The following FAT3 variants were observed in gnomAD, a reference collection of about 807,000 sequenced individuals.
FAT3 encodes the protein protocadherin Fat 3.
In FAT3, 95 loss-of-function variants were observed where a neutral mutation model predicts 310.2. The ratio of observed to expected loss-of-function variants is 0.31; its 90% CI spans 0.26 to 0.36. The LOEUF is 0.36. Ranked by LOEUF, FAT3 falls within the 10% of genes least tolerant of loss-of-function variation. The probability of loss-of-function intolerance (pLI) is 1.00; values close to 1 mark genes in which losing one functional copy is unlikely to be tolerated. For synonymous variants in FAT3, 2,314 were observed against 2,192.9 expected (o/e 1.06, Z -1.54); for missense variants, 5,408 against 5,715.6 (o/e 0.95, Z 1.74).
intron 21 of FAT3, among the ~76,000 whole-genome samples, chr11:92,865,108 C>A (rs1414749629): frequency 1.3e-5 from 2 of 152,218 alleles, no homozygotes; most frequent in Non-Finnish European, 2.9e-5. Flanking sequence ...AAAATTCCCA[C>A]ACCTCTGTGT....
rs373058856 is a variant in FAT3, at chr11:92,355,256, T to G, written c.3144T>G (p.Val1048=). The G allele has an allele frequency of 1.9e-6, 3 of 1,613,714 alleles. No homozygotes were observed. In the African/African-American group the frequency reaches 4.0e-5, roughly 22 times the overall value. The stretch of plus-strand genomic sequence containing the variant: ...CTCCCTATTTCCCAGACTTTGCTGT[T>G]GTTGGATCTGTAAAGGAAAACTCAC... ...LHTPYFPDFA[V]VGSVKENSRI... The change falls in exon 2 of 28, where the codon GTT becomes GTG. Residue 1048 remains valine (V), a synonymous_variant. Transcript: ENST00000525166.
intron 2 of FAT3, among the ~76,000 whole-genome samples, chr11:92,499,723 A>ATGTGTGTGTGTGTATG (rs376710960): frequency 0.019 from 2,398 of 127,786 alleles, 61 homozygotes; most frequent in African/African-American, 0.058. Flanking sequence ...ATGTGTGTGT[A>ATGTGTGTGTGTGTATG]TGTGTGTGTG....
At chr11:92,403,102 C>A (rs2134876245) in intron 2 of FAT3, 1 of 152,324 alleles carries the variant, frequency 6.6e-6, no homozygotes, top group Admixed American at 6.5e-5. Context: ...ATGGCCTCAG[C>A]TTACATACGC....
intron 4 of FAT3, among the ~76,000 whole-genome samples, chr11:92,701,702 G>T (rs1944102216): frequency 6.6e-6 from 1 of 152,180 alleles, no homozygotes. Context: ...GCATACAGAT[G>T]CCAAGAGTTG....
intron 2 of FAT3, among the ~76,000 whole-genome samples, chr11:92,369,153 G>T (rs779325659): frequency 6.6e-6 from 1 of 151,974 alleles, no homozygotes; most frequent in Non-Finnish European, 1.5e-5. Flanking sequence ...GAACTGATGC[G>T]GTTAAAATAT....
Position 92,363,612 on chromosome 11 carries a change from G to T in FAT3, c.3292+8208G>T, listed in dbSNP as rs184801742. On this transcript the variant is annotated intron_variant, in intron 2 of 27. Coordinates refer to ENST00000525166, the MANE Select transcript of FAT3 (RefSeq NM_001367949.2). Reference sequence around the variant, plus strand: ...ATTCATGACAAATCCAGACTAAATGGCATCCCTGTCCTCATTCTTTTTTTG... The same window carrying T: ...ATTCATGACAAATCCAGACTAAATGTCATCCCTGTCCTCATTCTTTTTTTG... 2.0e-3 allele frequency among the ~76,000 whole-genome samples: 298 copies of T among 152,208 alleles called. 1 individual carries two copies. Among genetic ancestry groups the T allele is most frequent in the African/African-American group, 6.6e-3 (273 of 41,524 alleles).
rs1368782959 is a variant in FAT3, at chr11:92,844,443, C to T, written c.11076C>T (p.Pro3692=). The T allele has an allele frequency of 1.2e-5, 19 of 1,613,962 alleles. No homozygotes were observed. The highest frequency in any genetic ancestry group is 1.6e-5 in the Non-Finnish European group (19 of 1,179,886). ...QDSLRIISIQ[P]VAGTNQLDML... is the part of the protein sequence containing the mutation. ...GCCTGCGCATCATCAGCATCCAGCC[C>T]GTGGCAGGCACCAACCAACTGGACA... Residue 3692 remains proline, a synonymous_variant, in exon 19 of 28, where the codon CCC becomes CCT. Coordinates refer to ENST00000525166, the MANE Select transcript of FAT3 (RefSeq NM_001367949.2).
chr11:92,851,751 A>T (rs1263510608), intron 19 of FAT3, among the ~76,000 whole-genome samples: 1 of 150,370 alleles, frequency 6.7e-6, no homozygotes, highest in Non-Finnish European at 1.5e-5. Context: ...ATGAGCCCAC[A>T]TCCCCCAAGC....
intron 17 of FAT3, among the ~76,000 whole-genome samples, chr11:92,838,299 C>A (rs184232433): frequency 2.6e-5 from 4 of 152,280 alleles, no homozygotes; most frequent in African/African-American, 7.2e-5. Flanking sequence ...ACAGATTGGG[C>A]ATCAGGATAG....
intron 2 of FAT3, among the ~76,000 whole-genome samples, chr11:92,434,989 G>T (rs1481344578): frequency 6.6e-6 from 1 of 152,184 alleles, no homozygotes; most frequent in East Asian, 1.9e-4. Flanking sequence ...TTTATTAGGG[G>T]CTTGCATACA....
At chr11:92,562,481 T>C (rs191276679) in intron 3 of FAT3, among the ~76,000 whole-genome samples, 112 of 152,292 alleles carry the variant, frequency 7.4e-4, no homozygotes, top group Non-Finnish European at 1.5e-3. Flanking sequence ...GGATATACTA[T>C]CTCACAATGT....
At chr11:92,506,402 C>T (rs776830855) in intron 2 of FAT3, among the ~76,000 whole-genome samples, 46 of 152,226 alleles carry the variant, frequency 3.0e-4, no homozygotes, top group Admixed American at 8.5e-4. Flanking sequence ...GGAATACCTC[C>T]ACAATACCAT....
chr11:92,496,821 C>A (rs1427935749), intron 2 of FAT3, among the ~76,000 whole-genome samples: 1 of 152,006 alleles, frequency 6.6e-6, no homozygotes. Flanking sequence ...TTTTAAGAGA[C>A]TCTCTGGTTT....
At chr11:92,796,225 A>T (rs927998704) in intron 9 of FAT3, among the ~76,000 whole-genome samples, 8 of 152,230 alleles carry the variant, frequency 5.3e-5, no homozygotes, top group Non-Finnish European at 1.0e-4. Context: ...TGCAAGCTTG[A>T]ACGTTTACTC....
intron 3 of FAT3, among the ~76,000 whole-genome samples, chr11:92,528,535 T>C (rs377370924): frequency 7.4e-4 from 113 of 152,266 alleles, no homozygotes; most frequent in Middle Eastern, 3.4e-3. Context: ...TACAGGCGCC[T>C]GCCACCACAC....
intron 1 of FAT3, among the ~76,000 whole-genome samples, chr11:92,323,147 T>C (rs974367841): frequency 1.3e-5 from 2 of 152,194 alleles, no homozygotes; most frequent in Non-Finnish European, 2.9e-5. Flanking sequence ...AATCTCCTTG[T>C]ATATCTCCAT....
chr11:92,587,709 T>C (rs1013099912), intron 3 of FAT3, among the ~76,000 whole-genome samples: 1 of 151,832 alleles, frequency 6.6e-6, no homozygotes, highest in African/African-American at 2.4e-5. Context: ...GGTTTCAGAG[T>C]ATATGGAATT....
chr11:92,396,190 G>C (rs1479689745), intron 2 of FAT3, among the ~76,000 whole-genome samples: 2 of 152,110 alleles, frequency 1.3e-5, no homozygotes, highest in African/African-American at 4.8e-5. Context: ...CATGAGCCAG[G>C]CATTTTACAA....
Position 92,352,613 on chromosome 11 carries a change from A to G in FAT3, c.501A>G (p.Ile167Met), listed in dbSNP as rs1948598714. 6.2e-7 allele frequency: 1 copy of G among 1,613,874 alleles called. No homozygotes were observed. The highest frequency in any genetic ancestry group is 8.5e-7 in the Non-Finnish European group (1 of 1,179,866). ...LFSPTTYSVT[I>M]AESTPLRTSV... ...CACCCACAACATACTCTGTTACCAT[A>G]GCAGAAAGCACACCTCTAAGGACTA... Residue 167 changes from isoleucine to methionine, a missense_variant, in exon 2 of 28, where the codon ATA becomes ATG. Ile to Met is a conservative substitution (Grantham distance 10, BLOSUM62 1). Coordinates refer to ENST00000525166, the MANE Select transcript of FAT3 (RefSeq NM_001367949.2).
Sources: gnomAD v4.1 joint callset for allele counts (sites outside exome capture counted in the v4.1 genomes callset) on GRCh38, gnomAD v4.1.1 for gene constraint, MANE v1.5 for transcripts, NCBI Gene and HGNC (gene_info 2026-07-23, HGNC 2026-07-21) for gene names.